The following CCDC91 variants were observed in gnomAD, a reference collection of about 807,000 sequenced individuals.
CCDC91 encodes coiled-coil domain-containing protein 91.
CCDC91 carries 48 observed loss-of-function variants against 63.2 expected under a neutral mutation model. The observed-to-expected ratio is 0.76, with a 90% confidence interval of 0.60 to 0.97. The LOEUF is 0.97. Among genes scored for constraint, CCDC91 ranks in the 50% least tolerant of loss-of-function variants. CCDC91 has a pLI of 0.00. For missense variants in CCDC91, 500 were observed against 494.6 expected (o/e 1.01, Z -0.10); for synonymous variants, 167 against 165.8 (o/e 1.01, Z -0.06).
At chr12:28,276,807 A>C (rs1274901608) in intron 3 of CCDC91, among the ~76,000 whole-genome samples, 1 of 152,048 alleles carries the variant, frequency 6.6e-6, no homozygotes, top group East Asian at 1.9e-4. Context: ...GCTAACAAAA[A>C]AATCGAATGT....
intron 6 of CCDC91, among the ~76,000 whole-genome samples, chr12:28,351,304 G>A (rs1049587383): frequency 3.9e-5 from 6 of 152,090 alleles, no homozygotes; most frequent in African/African-American, 9.7e-5. Context: ...TCAGATTCCC[G>A]TCTGAAAGAG....
chr12:28,542,435 A>G (rs923025652), intron 12 of CCDC91, among the ~76,000 whole-genome samples: 1 of 152,040 alleles, frequency 6.6e-6, no homozygotes, highest in African/African-American at 2.4e-5. Context: ...GAACTATCTA[A>G]ATAGATAGAT....
chr12:28,470,164 A>G (rs1398375047), intron 11 of CCDC91, among the ~76,000 whole-genome samples: 1 of 152,196 alleles, frequency 6.6e-6, no homozygotes, highest in African/African-American at 2.4e-5. Context: ...GAATGAGAGA[A>G]AATATTTGCA....
rs1244674498 is a variant in CCDC91, at chr12:28,549,537, ACT to A, written c.*367_*368del. On this transcript the variant is annotated 3_prime_UTR_variant, in exon 13 of 13. Transcript: ENST00000536442. ...GTAAATATATTATTGTTTCATGATG[ACT>A]CTTGATGAGATGCTAGAATGTAACC... 3 of 154,590 alleles carry A rather than the reference ACT, an allele frequency of 1.9e-5. No individual in the cohort carries two copies. Among genetic ancestry groups the A allele is most frequent in the African/African-American group, 7.2e-5 (3 of 41,452 alleles). 9.6% of individuals were successfully genotyped at this position (154,590 alleles called of 1,614,324 possible). A position where few individuals can be genotyped will look rare whatever the true frequency, so the allele number is the denominator to read the frequency against.
At chr12:28,292,734 A>G (rs981570717) in intron 3 of CCDC91, among the ~76,000 whole-genome samples, 1 of 152,182 alleles carries the variant, frequency 6.6e-6, no homozygotes, top group African/African-American at 2.4e-5. Context: ...AGAATGTAGT[A>G]TATAAATTGT....
At chr12:28,327,131 A>G (rs991753042) in intron 6 of CCDC91, among the ~76,000 whole-genome samples, 2 of 150,810 alleles carry the variant, frequency 1.3e-5, no homozygotes, top group African/African-American at 4.8e-5. Context: ...GTGATATAGG[A>G]GTTAAAAAGA....
Position 28,334,056 on chromosome 12 carries a change from GTGTGTA to G in CCDC91, c.576+26331_576+26336del, listed in dbSNP as rs143724750. 7.1e-3 allele frequency among the ~76,000 whole-genome samples: 1,081 copies of G among 152,070 alleles called. 9 individuals are homozygous for G. The highest frequency in any genetic ancestry group is 0.015 in the South Asian group (72 of 4,816). ...GCAGAATTTATGTGTGTGTGTGTGT[GTGTGTA>G]TGTGTATGTGTATGTGTATGTGTGT... On this transcript the variant is annotated intron_variant, in intron 6 of 12. Transcript: ENST00000536442.
At chr12:28,219,460 G>T (rs1006199876) in intron 1 of CCDC91, among the ~76,000 whole-genome samples, 20 of 148,756 alleles carry the variant, frequency 1.3e-4, no homozygotes, top group African/African-American at 4.7e-4. Flanking sequence ...AAATTTACCA[G>T]TGTAACCATT....
Position 28,472,008 on chromosome 12 carries a change from C to G in CCDC91, c.1102-12044C>G, listed in dbSNP as rs1212082609. Among the ~76,000 whole-genome samples, 6 of 152,326 alleles carry G rather than the reference C, an allele frequency of 3.9e-5. No homozygotes were observed. The East Asian group carries it at 1.2e-3, about 29-fold the overall frequency. On this transcript the variant is annotated intron_variant, in intron 11 of 12. Coordinates refer to ENST00000536442, the MANE Select transcript of CCDC91 (RefSeq NM_018318.5). ...TCAAGTGATCAGCCCGCTTCATCCTCCCAAAGTTCTGGGATTACAGGCATG... is the reference window on the plus strand; with the variant it reads ...TCAAGTGATCAGCCCGCTTCATCCTGCCAAAGTTCTGGGATTACAGGCATG...
intron 8 of CCDC91, among the ~76,000 whole-genome samples, chr12:28,444,322 A>T (rs2140258565): frequency 6.6e-6 from 1 of 152,290 alleles, no homozygotes; most frequent in Non-Finnish European, 1.5e-5. Context: ...TCCACTGAAC[A>T]ATTCGTATTT....
chr12:28,475,088 G>T (rs961878971), intron 11 of CCDC91, among the ~76,000 whole-genome samples: 1 of 152,006 alleles, frequency 6.6e-6, no homozygotes, highest in African/African-American at 2.4e-5. Flanking sequence ...ATCTTATTTT[G>T]TGTGTTAAAA....
intron 6 of CCDC91, among the ~76,000 whole-genome samples, chr12:28,348,065 T>C (rs1246431982): frequency 6.6e-6 from 1 of 152,236 alleles, no homozygotes; most frequent in Non-Finnish European, 1.5e-5. Context: ...AAGGAGGCCA[T>C]CTCTCTGTCC....
chr12:28,535,258 A>G (rs775376924), intron 12 of CCDC91, among the ~76,000 whole-genome samples: 5 of 152,104 alleles, frequency 3.3e-5, no homozygotes, highest in Admixed American at 1.3e-4. Context: ...AACTGTCTTT[A>G]TTTTTCATCC....
intron 7 of CCDC91, among the ~76,000 whole-genome samples, chr12:28,380,887 A>G (rs1459809202): frequency 1.3e-5 from 2 of 152,142 alleles, no homozygotes; most frequent in Non-Finnish European, 2.9e-5. Context: ...ATTATACTGC[A>G]GGAAAAGTAC....
intron 8 of CCDC91, among the ~76,000 whole-genome samples, chr12:28,406,188 T>A (rs1946928420): frequency 6.6e-6 from 1 of 151,756 alleles, no homozygotes; most frequent in Non-Finnish European, 1.5e-5. Flanking sequence ...GATCAACCCA[T>A]CACCTAGGTA....
At chr12:28,349,712 A>G (rs1244956838) in intron 6 of CCDC91, among the ~76,000 whole-genome samples, 1 of 151,980 alleles carries the variant, frequency 6.6e-6, no homozygotes, top group Non-Finnish European at 1.5e-5. Flanking sequence ...GGGCCTTTAT[A>G]TTTACTGTGG....
At chr12:28,391,667 A>T (rs1283482050) in intron 8 of CCDC91, among the ~76,000 whole-genome samples, 1 of 152,226 alleles carries the variant, frequency 6.6e-6, no homozygotes, top group African/African-American at 2.4e-5. Context: ...TCTCCAAATA[A>T]CAGAAGCAAA....
At chr12:28,537,229 A>G (rs1942248232) in intron 12 of CCDC91, among the ~76,000 whole-genome samples, 1 of 152,192 alleles carries the variant, frequency 6.6e-6, no homozygotes, top group African/African-American at 2.4e-5. Context: ...AAAGGGGGAA[A>G]AAAAGGAGGA....
At chr12:28,404,413 C>T (rs557602359) in intron 8 of CCDC91, among the ~76,000 whole-genome samples, 7 of 151,934 alleles carry the variant, frequency 4.6e-5, no homozygotes, top group Middle Eastern at 3.4e-3. Context: ...TTTATGGTCC[C>T]GAATTTGGTC....
Sources: allele counts gnomAD v4.1 joint callset (sites outside exome capture counted in the v4.1 genomes callset), GRCh38; gene constraint gnomAD v4.1.1; transcripts MANE v1.5; gene names NCBI Gene and HGNC (gene_info 2026-07-23, HGNC 2026-07-21).